DCAF6: variants seen among roughly 807,000 people sequenced by gnomAD.
DCAF6 encodes the protein DDB1 and CUL4 associated factor 6.
A neutral mutation model predicts 125.1 loss-of-function variants in DCAF6; 54 were observed. The ratio of observed to expected loss-of-function variants is 0.43; its 90% CI spans 0.35 to 0.54. The LOEUF (loss-of-function observed/expected upper bound fraction) is 0.54. Ranked by LOEUF, DCAF6 falls within the 20% of genes least tolerant of loss-of-function variation. The pLI, the probability that DCAF6 is intolerant of heterozygous loss-of-function variation, is 0.01. For missense variants in DCAF6, 934 were observed against 1,161.7 expected (o/e 0.80, Z 2.85); for synonymous variants, 371 against 390.4 (o/e 0.95, Z 0.58).
chr1:167,865,322 A>G, the DCAF6 span, among the ~76,000 whole-genome samples: 1 of 152,226 alleles, frequency 6.6e-6, no homozygotes. Context: ...CTAATTAGCT[A>G]AAGATAAAAA....
chr1:167,925,270 C>G, the DCAF6 span, among the ~76,000 whole-genome samples: 447 of 151,794 alleles, frequency 2.9e-3, 1 homozygote, highest in African/African-American at 0.01. Context: ...TTATGACTTT[C>G]TCGAAGCTAG....
chr1:167,971,740 A>G (rs946332624), intron 3 of DCAF6, among the ~76,000 whole-genome samples: 7 of 152,218 alleles, frequency 4.6e-5, no homozygotes, highest in Non-Finnish European at 1.0e-4. Context: ...TTACTCTGGC[A>G]ATTATACCTC....
chr1:168,074,515 G>A (rs2102049190), intron 21 of DCAF6, among the ~76,000 whole-genome samples: 1 of 152,018 alleles, frequency 6.6e-6, no homozygotes, highest in South Asian at 2.1e-4. Context: ...TCCTATACTA[G>A]GCTCTGAGGA....
At chr1:168,022,756 T>C (rs1229887481) in intron 11 of DCAF6, among the ~76,000 whole-genome samples, 1 of 152,218 alleles carries the variant, frequency 6.6e-6, no homozygotes, top group African/African-American at 2.4e-5. Flanking sequence ...GGTGTATGCA[T>C]GGAAATAGAA....
chr1:167,920,644 G>A, the DCAF6 span: 16 of 1,602,014 alleles, frequency 1.0e-5, no homozygotes, highest in African/African-American at 2.7e-5. Flanking sequence ...ACACATTAAC[G>A]CATAGAAAGA....
intron 17 of DCAF6, among the ~76,000 whole-genome samples, chr1:168,060,528 TC>T (rs2101933359): frequency 6.6e-6 from 1 of 152,268 alleles, no homozygotes; most frequent in South Asian, 2.1e-4. Context: ...TTGATACAGT[TC>T]TCGTTTATTC....
At chr1:167,889,466 C>T in the DCAF6 span, among the ~76,000 whole-genome samples, 20 of 138,286 alleles carry the variant, frequency 1.4e-4, no homozygotes, top group African/African-American at 4.8e-4. Flanking sequence ...TGTTGTTGAA[C>T]CCAGTTTGCT....
the DCAF6 span, among the ~76,000 whole-genome samples, chr1:167,879,678 G>A: frequency 6.6e-6 from 1 of 152,118 alleles, no homozygotes; most frequent in Non-Finnish European, 1.5e-5. Context: ...AACCCTGATA[G>A]GATGGAAAAG....
the DCAF6 span, among the ~76,000 whole-genome samples, chr1:167,914,989 C>T: frequency 2.6e-5 from 4 of 152,118 alleles, no homozygotes; most frequent in Non-Finnish European, 4.4e-5. Context: ...TAGAATCATA[C>T]CTCATTTAAT....
At chr1:167,880,563 G>A in the DCAF6 span, 3 of 1,614,106 alleles carry the variant, frequency 1.9e-6, no homozygotes, top group Non-Finnish European at 2.5e-6. Context: ...GAGCTCGTCA[G>A]GTACCTTTTC....
the DCAF6 span, among the ~76,000 whole-genome samples, chr1:167,925,009 A>C: frequency 3.3e-4 from 50 of 152,180 alleles, no homozygotes; most frequent in African/African-American, 1.1e-3. Flanking sequence ...CTTCCCTCCA[A>C]TTTTTGCTTA....
At chr1:167,918,457 TG>T in the DCAF6 span, 1 of 754,390 alleles carries the variant, frequency 1.3e-6, no homozygotes, top group Non-Finnish European at 2.1e-6. Context: ...TCTTTCTTGG[TG>T]GTCAAGTAGC....
chr1:167,922,202 A>G, the DCAF6 span, among the ~76,000 whole-genome samples: 1 of 152,178 alleles, frequency 6.6e-6, no homozygotes, highest in African/African-American at 2.4e-5. Flanking sequence ...TTCTATTGCT[A>G]TGCTGTCATC....
chr1:168,075,315 A>G (rs1229399607), intron 21 of DCAF6, 56 bp from the exon 22 acceptor site: 1 of 1,472,750 alleles, frequency 6.8e-7, no homozygotes, highest in Non-Finnish European at 9.2e-7. Flanking sequence ...AAAAATATTA[A>G]TAATTGTAAT....
chr1:167,975,068 T>G (rs947746363), intron 4 of DCAF6, 53 bp downstream of exon 4: 1 of 1,233,540 alleles, frequency 8.1e-7, no homozygotes, highest in African/African-American at 1.6e-5. Flanking sequence ...ATATTTTTGA[T>G]TAAGTACATA....
the DCAF6 span, among the ~76,000 whole-genome samples, chr1:167,881,591 C>G: frequency 5.9e-5 from 9 of 152,130 alleles, no homozygotes; most frequent in East Asian, 1.7e-3. Context: ...TTTTGATTCC[C>G]CCTAGCAATG....
At chr1:167,896,443 G>T in the DCAF6 span, 1 of 732,904 alleles carries the variant, frequency 1.4e-6, no homozygotes, top group East Asian at 2.5e-5. Flanking sequence ...TTGCTGTCCC[G>T]GAGAATGGGA....
chr1:168,063,711 G>T lies in DCAF6; in HGVS notation c.2391G>T (p.Arg797Ser). 1.2e-6 allele frequency: 2 copies of T among 1,604,574 alleles called. No individual in the cohort carries two copies. Among genetic ancestry groups the T allele is most frequent in the Non-Finnish European group, 1.7e-6 (2 of 1,176,384 alleles). The change falls in exon 18 of 22, where the codon AGG becomes AGT. Residue 797 changes from arginine to serine, a missense_variant. Transcript: ENST00000367840. The stretch of plus-strand genomic sequence containing the variant: ...AATTGGATACTTTGAACATTAGAAG[G>T]CCGCTAGTAAAAATGGTTTATAAAG... ...MEELDTLNIR[R>S]PLVKMVYKGH...
At chr1:167,878,420 C>T in the DCAF6 span, 1 of 1,610,296 alleles carries the variant, frequency 6.2e-7, no homozygotes. Context: ...CTAAAATATA[C>T]TTCAAAATTA....
Sources: gnomAD v4.1 joint callset for allele counts (sites outside exome capture counted in the v4.1 genomes callset) on GRCh38, gnomAD v4.1.1 for gene constraint, MANE v1.5 for transcripts, NCBI Gene and HGNC (gene_info 2026-07-23, HGNC 2026-07-21) for gene names.